GNA12: variants seen among roughly 807,000 people sequenced by gnomAD.
GNA12 encodes the protein G protein subunit alpha 12, also known as guanine nucleotide-binding protein subunit alpha-12.
In GNA12, 9 loss-of-function variants were observed where a neutral mutation model predicts 26.0. The observed-to-expected ratio is 0.35, with a 90% confidence interval of 0.21 to 0.60. GNA12 has a LOEUF of 0.60. Among genes scored for constraint, GNA12 ranks in the 20% least tolerant of loss-of-function variants. The pLI, the probability that GNA12 is intolerant of heterozygous loss-of-function variation, is 0.78. For missense variants in GNA12, 405 were observed against 525.8 expected, an observed-to-expected ratio of 0.77 and a Z score of 2.25; for synonymous variants, 264 against 219.6, an observed-to-expected ratio of 1.20 and a Z score of -1.79.
chr7:2,824,548 C>T (rs988172148), intron 1 of GNA12, among the ~76,000 whole-genome samples: 5 of 152,214 alleles, frequency 3.3e-5, no homozygotes, highest in African/African-American at 1.2e-4. Flanking sequence ...TGCCTGTTTA[C>T]CCTGTGGATC....
At chr7:2,763,151 T>C in intron 2 of GNA12, 2 of 1,200,476 alleles carry the variant, frequency 1.7e-6, no homozygotes, top group Non-Finnish European at 2.1e-6. Context: ...TCTCGAATAT[T>C]CTGCTGACAA....
chr7:2,804,180 G>C (rs1054453349), intron 1 of GNA12, among the ~76,000 whole-genome samples: 1 of 152,196 alleles, frequency 6.6e-6, no homozygotes, highest in Non-Finnish European at 1.5e-5. Context: ...CTATCAACAG[G>C]TAACAGCTTC....
At chr7:2,822,898 T>C (rs1793400201) in intron 1 of GNA12, among the ~76,000 whole-genome samples, 1 of 152,144 alleles carries the variant, frequency 6.6e-6, no homozygotes, top group Non-Finnish European at 1.5e-5. Flanking sequence ...TAAGAGAGTC[T>C]GCTCAGCCCC....
At chr7:2,814,785 T>A in intron 1 of GNA12, 1 of 1,223,010 alleles carries the variant, frequency 8.2e-7, no homozygotes, top group South Asian at 1.3e-5. Context: ...TAGAAAGGGT[T>A]CCCTGACCTG....
chr7:2,728,969 G>A lies in GNA12; in HGVS notation c.*2212C>T, dbSNP rs574183782. 16 of 152,494 alleles carry A rather than the reference G, an allele frequency of 1.0e-4. No individual in the cohort carries two copies. The highest frequency in any genetic ancestry group is 3.6e-4 in the African/African-American group (15 of 41,576). The allele number at this position is 152,494 out of a possible 1,614,324, so 9.4% of individuals were successfully genotyped here. A position where few individuals can be genotyped will look rare whatever the true frequency, so the allele number is the denominator to read the frequency against. ...CCCTGCGCTTTCTATCGAGTTAAACGGACCCCACAATATCTCCTTCCTCTC... is the reference window on the plus strand; with the variant it reads ...CCCTGCGCTTTCTATCGAGTTAAACAGACCCCACAATATCTCCTTCCTCTC... On this transcript the variant is annotated 3_prime_UTR_variant, in exon 4 of 4. Transcript: ENST00000275364.
intron 2 of GNA12, among the ~76,000 whole-genome samples, chr7:2,737,580 C>T (rs117808508): frequency 0.026 from 3,896 of 152,230 alleles, 122 homozygotes; most frequent in Middle Eastern, 0.075. Context: ...TGAGCCACAG[C>T]GCCCGGCCCT....
At chr7:2,733,640 G>A (rs1318658329) in intron 2 of GNA12, 139 bp from the exon 3 acceptor site, 1 of 664,086 alleles carries the variant, frequency 1.5e-6, no homozygotes, top group East Asian at 2.8e-5. Context: ...GGCAGAGAGT[G>A]TCCGTGTGTT....
chr7:2,743,150 T>C (rs1371486091), intron 2 of GNA12, among the ~76,000 whole-genome samples: 1 of 152,182 alleles, frequency 6.6e-6, no homozygotes, highest in Non-Finnish European at 1.5e-5. Flanking sequence ...TGCATAAACT[T>C]TGCCTAAGAG....
chr7:2,782,813 C>A (rs936363336), intron 2 of GNA12, among the ~76,000 whole-genome samples: 19 of 152,150 alleles, frequency 1.2e-4, no homozygotes, highest in African/African-American at 4.6e-4. Flanking sequence ...CATCCTCCTT[C>A]CTCCTGACCT....
rs371128412 is a variant in GNA12, at chr7:2,791,605, G to A, written c.525+3323C>T. Reference sequence around the variant, plus strand: ...CTCAAAGCAGCTGCAGCTCTTCACAGGGACTGTCAAATGCTGTCAGCTGGG... The same window carrying A: ...CTCAAAGCAGCTGCAGCTCTTCACAAGGACTGTCAAATGCTGTCAGCTGGG... On this transcript the variant is annotated intron_variant, in intron 2 of 3. Coordinates refer to ENST00000275364, the MANE Select transcript of GNA12 (RefSeq NM_007353.3). 7.9e-5 allele frequency among the ~76,000 whole-genome samples: 12 copies of A among 152,290 alleles called. No homozygotes were observed. In the South Asian group the frequency reaches 2.5e-3, roughly 32 times the overall value.
At chr7:2,782,165 A>G (rs985613890) in intron 2 of GNA12, among the ~76,000 whole-genome samples, 1 of 152,260 alleles carries the variant, frequency 6.6e-6, no homozygotes, top group African/African-American at 2.4e-5. Context: ...AAAATTTACC[A>G]AAAACCTAAA....
intron 2 of GNA12, among the ~76,000 whole-genome samples, chr7:2,789,458 TCA>T (rs1271127793): frequency 1.3e-5 from 2 of 151,956 alleles, no homozygotes; most frequent in African/African-American, 4.8e-5. Flanking sequence ...TTTACATGAG[TCA>T]CAGTGATTTC....
Position 2,759,188 on chromosome 7 carries a change from T to TAAAA in GNA12, c.526-25691_526-25688dup, listed in dbSNP as rs1554257558. Among the ~76,000 whole-genome samples the TAAAA allele has an allele frequency of 1.1e-3, 166 of 144,626 alleles. 1 individual carries two copies. Among genetic ancestry groups the TAAAA allele is most frequent in the Admixed American group, 3.4e-3 (50 of 14,604 alleles). 94.9% of individuals were successfully genotyped at this position (144,626 alleles called of 152,430 possible). A position where few individuals can be genotyped will look rare whatever the true frequency, so the allele number is the denominator to read the frequency against. ...ATAAATAAATAAATAAATAAATAAATAAAATAAAAATAAAAACCCCATGAT... is the reference window on the plus strand; with the variant it reads ...ATAAATAAATAAATAAATAAATAAATAAAAAAAATAAAAATAAAAACCCCATGAT... On this transcript the variant is annotated intron_variant, in intron 2 of 3. Transcript: ENST00000275364.
intron 2 of GNA12, chr7:2,762,273 G>T (rs542288512): frequency 2.1e-5 from 5 of 234,094 alleles, no homozygotes; most frequent in Admixed American, 1.7e-4. Context: ...GGTCGTCACA[G>T]AAGGTGCACA....
chr7:2,837,752 A>G (rs1428154134), intron 1 of GNA12, among the ~76,000 whole-genome samples: 1 of 152,196 alleles, frequency 6.6e-6, no homozygotes, highest in Non-Finnish European at 1.5e-5. Flanking sequence ...ATCGTTAAAG[A>G]ATGGCTAAAG....
chr7:2,834,530 C>T (rs1338974373), intron 1 of GNA12, among the ~76,000 whole-genome samples: 2 of 152,198 alleles, frequency 1.3e-5, no homozygotes, highest in Admixed American at 1.3e-4. Context: ...TAGCACAATG[C>T]CGTGGAGATT....
At chr7:2,811,496 TTA>T (rs1264784836) in intron 1 of GNA12, among the ~76,000 whole-genome samples, 1 of 152,184 alleles carries the variant, frequency 6.6e-6, no homozygotes, top group Admixed American at 6.5e-5. Context: ...TCAGATAACT[TTA>T]TGTCATGACC....
chr7:2,778,946 A>G (rs1312361241), intron 2 of GNA12, among the ~76,000 whole-genome samples: 1 of 152,246 alleles, frequency 6.6e-6, no homozygotes, highest in Non-Finnish European at 1.5e-5. Context: ...AGGGTACGTT[A>G]TATTTAACCA....
At chr7:2,790,538 T>C (rs1792490619) in intron 2 of GNA12, among the ~76,000 whole-genome samples, 1 of 152,230 alleles carries the variant, frequency 6.6e-6, no homozygotes. Flanking sequence ...AAGGACTCAC[T>C]GAAAGAATAC....
Sources: gnomAD v4.1 joint callset for allele counts (sites outside exome capture counted in the v4.1 genomes callset) on GRCh38, gnomAD v4.1.1 for gene constraint, MANE v1.5 for transcripts, NCBI Gene and HGNC (gene_info 2026-07-23, HGNC 2026-07-21) for gene names.